The following EYA4 variants were observed in gnomAD, a reference collection of about 807,000 sequenced individuals.
The protein encoded by EYA4 is protein phosphatase EYA4.
EYA4 carries 31 observed loss-of-function variants against 87.9 expected under a neutral mutation model. That is an observed-to-expected ratio of 0.35 (90% confidence interval 0.27 to 0.48). The LOEUF (loss-of-function observed/expected upper bound fraction) is 0.48, where lower values mean the gene tolerates loss of function less well. Ranked by LOEUF, EYA4 falls within the 20% of genes least tolerant of loss-of-function variation. The pLI, the probability that EYA4 is intolerant of heterozygous loss-of-function variation, is 0.99. For synonymous variants in EYA4, 263 were observed against 270.6 expected, an observed-to-expected ratio of 0.97 and a Z score of 0.28; for missense variants, 678 against 761.4, an observed-to-expected ratio of 0.89 and a Z score of 1.29.
At position 133,316,186 on chromosome 6, in the gene EYA4, C is replaced by T. The variant is rs958969129; in HGVS notation, c.33+41373C>T. Among the ~76,000 whole-genome samples, 5 of 152,018 alleles carry T rather than the reference C, an allele frequency of 3.3e-5. No homozygotes were observed. In the East Asian group the frequency reaches 7.7e-4, roughly 23 times the overall value. On this transcript the variant is annotated intron_variant, in intron 2 of 19. Coordinates refer to ENST00000355286, the MANE Select transcript of EYA4 (RefSeq NM_004100.5). ...TTCTCTTAAAAGCCTGAAAACTTTA[C>T]GTTTTTCTCAGCAAATAGTTGATAT...
chr6:133,412,229 G>A (rs1789307544), intron 3 of EYA4, among the ~76,000 whole-genome samples: 1 of 152,080 alleles, frequency 6.6e-6, no homozygotes, highest in African/African-American at 2.4e-5. Flanking sequence ...TGTAAGTGTT[G>A]GTTAAGTAAA....
At chr6:133,431,686 A>G (rs1229988390) in intron 3 of EYA4, among the ~76,000 whole-genome samples, 1 of 152,200 alleles carries the variant, frequency 6.6e-6, no homozygotes, top group African/African-American at 2.4e-5. Flanking sequence ...AATTAATGTT[A>G]TTATAACATT....
intron 2 of EYA4, among the ~76,000 whole-genome samples, chr6:133,352,486 TG>T (rs1202500993): frequency 2.0e-5 from 3 of 152,184 alleles, no homozygotes; most frequent in African/African-American, 7.2e-5. Context: ...ATTTCATAAA[TG>T]GTTAAGAATG....
At chr6:133,444,405 A>G (rs1351704220) in intron 3 of EYA4, among the ~76,000 whole-genome samples, 3 of 151,972 alleles carry the variant, frequency 2.0e-5, no homozygotes, top group African/African-American at 7.3e-5. Flanking sequence ...CCCTCCACCT[A>G]TTTGGGCCTT....
intron 2 of EYA4, among the ~76,000 whole-genome samples, chr6:133,310,772 C>T (rs1302145269): frequency 6.6e-6 from 1 of 152,074 alleles, no homozygotes. Flanking sequence ...TTGTGTTTAG[C>T]CAAATCAAAA....
chr6:133,246,657 A>T (rs1442356520), intron 1 of EYA4, among the ~76,000 whole-genome samples: 3 of 152,208 alleles, frequency 2.0e-5, no homozygotes, highest in Non-Finnish European at 4.4e-5. Context: ...TTTTTAAATA[A>T]AAGTGGTCAC....
intron 2 of EYA4, among the ~76,000 whole-genome samples, chr6:133,291,068 C>T (rs1255204160): frequency 2.0e-5 from 3 of 152,144 alleles, no homozygotes; most frequent in South Asian, 4.1e-4. Flanking sequence ...TTATTATTTA[C>T]TGCTCAATCA....
intron 14 of EYA4, among the ~76,000 whole-genome samples, chr6:133,509,226 C>T (rs1798918151): frequency 1.3e-5 from 2 of 152,160 alleles, no homozygotes; most frequent in Non-Finnish European, 2.9e-5. Context: ...TTTCACACAA[C>T]TTTTTATTTC....
intron 3 of EYA4, among the ~76,000 whole-genome samples, chr6:133,414,584 A>G (rs148738858): frequency 1.4e-3 from 216 of 152,232 alleles, no homozygotes; most frequent in Middle Eastern, 3.4e-3. Flanking sequence ...ATGCCAGGCT[A>G]TATCTCTTCA....
At chr6:133,368,612 A>G (rs1431979135) in intron 2 of EYA4, among the ~76,000 whole-genome samples, 1 of 152,200 alleles carries the variant, frequency 6.6e-6, no homozygotes, top group Non-Finnish European at 1.5e-5. Context: ...GATCCTAACC[A>G]TACTAGGAAC....
chr6:133,372,785 TAGAG>T (rs1785373544), intron 2 of EYA4, among the ~76,000 whole-genome samples: 1 of 151,690 alleles, frequency 6.6e-6, no homozygotes, highest in African/African-American at 2.4e-5. Flanking sequence ...TACAGATATA[TAGAG>T]ATATATGTTG....
intron 13 of EYA4, among the ~76,000 whole-genome samples, chr6:133,504,813 C>T (rs1798448155): frequency 6.6e-6 from 1 of 152,106 alleles, no homozygotes; most frequent in Admixed American, 6.6e-5. Flanking sequence ...GTTGCAGGTT[C>T]TTATCATAAA....
chr6:133,360,966 A>C (rs1349611541), intron 2 of EYA4, among the ~76,000 whole-genome samples: 2 of 152,208 alleles, frequency 1.3e-5, no homozygotes, highest in Non-Finnish European at 2.9e-5. Flanking sequence ...GAAGCGCTTT[A>C]GACTGGAATA....
chr6:133,488,663 A>G (rs79731859), intron 13 of EYA4, among the ~76,000 whole-genome samples: 210 of 73,290 alleles, frequency 2.9e-3, no homozygotes, highest in African/African-American at 5.7e-3. Flanking sequence ...GGGCATCTCT[A>G]TGAGTCTGCA....
At position 133,530,889 on chromosome 6, in the gene EYA4, A is replaced by G. The variant is rs1308880962; in HGVS notation, c.*2084A>G. On this transcript the variant is annotated 3_prime_UTR_variant, in exon 20 of 20. Transcript: ENST00000355286. Reference sequence around the variant, plus strand: ...TATACTTCTGTTGGCCCTTAGCTTGAAAATAGCAGTTAAAAAAATTTAAAT... The same window carrying G: ...TATACTTCTGTTGGCCCTTAGCTTGGAAATAGCAGTTAAAAAAATTTAAAT... 3.4e-5 allele frequency: 36 copies of G among 1,070,422 alleles called. No individual in the cohort carries two copies. The highest frequency in any genetic ancestry group is 5.0e-5 in the Admixed American group (1 of 20,184). 66.3% of individuals were successfully genotyped at this position (1,070,422 alleles called of 1,614,324 possible). A position where few individuals can be genotyped will look rare whatever the true frequency, so the allele number is the denominator to read the frequency against.
chr6:133,510,890 G>T (rs1445281637), intron 14 of EYA4, among the ~76,000 whole-genome samples: 2 of 152,136 alleles, frequency 1.3e-5, no homozygotes, highest in African/African-American at 4.8e-5. Flanking sequence ...ATTTAAGAAA[G>T]AATTGTGGAG....
intron 2 of EYA4, among the ~76,000 whole-genome samples, chr6:133,289,538 T>C (rs1339120750): frequency 6.6e-6 from 1 of 152,146 alleles, no homozygotes; most frequent in Non-Finnish European, 1.5e-5. Context: ...ATTGAAACAA[T>C]TAAGAAGATA....
At chr6:133,467,681 T>A (rs1794969599) in intron 10 of EYA4, among the ~76,000 whole-genome samples, 1 of 152,060 alleles carries the variant, frequency 6.6e-6, no homozygotes, top group African/African-American at 2.4e-5. Flanking sequence ...CCACATCAAA[T>A]GTAGATCTTT....
chr6:133,285,326 C>T (rs891186796), intron 2 of EYA4, among the ~76,000 whole-genome samples: 9 of 151,858 alleles, frequency 5.9e-5, no homozygotes, highest in African/African-American at 1.9e-4. Context: ...TCAAGAGAGG[C>T]GAGGAAGTGA....
Sources: allele counts gnomAD v4.1 joint callset (sites outside exome capture counted in the v4.1 genomes callset), GRCh38; gene constraint gnomAD v4.1.1; transcripts MANE v1.5; gene names NCBI Gene and HGNC (gene_info 2026-07-23, HGNC 2026-07-21).